Variants in LHFPL3 observed in about 807,000 individuals in gnomAD.
LHFPL3 encodes the protein LHFPL tetraspan subfamily member 3 protein.
Under a neutral mutation model 19.3 loss-of-function variants are expected in LHFPL3, and 5 were observed. That is an observed-to-expected ratio of 0.26 (90% confidence interval 0.14 to 0.54). The LOEUF (loss-of-function observed/expected upper bound fraction) is 0.54. Among genes scored for constraint, LHFPL3 ranks in the 20% least tolerant of loss-of-function variants. LHFPL3 has a pLI of 0.94. For missense variants in LHFPL3, 249 were observed against 307.4 expected, an observed-to-expected ratio of 0.81 and a Z score of 1.42; for synonymous variants, 133 against 126.2, an observed-to-expected ratio of 1.05 and a Z score of -0.36.
At chr7:104,344,884 G>T (rs12705207) in intron 1 of LHFPL3, among the ~76,000 whole-genome samples, 83,161 of 151,924 alleles carry the variant, frequency 0.55, 23,600 homozygotes, top group East Asian at 0.71. Context: ...TGTCACACTG[G>T]CTTTACCTAG....
At chr7:104,550,945 T>C (rs1794651700) in intron 1 of LHFPL3, among the ~76,000 whole-genome samples, 1 of 152,204 alleles carries the variant, frequency 6.6e-6, no homozygotes, top group South Asian at 2.1e-4. Context: ...TTCCAAACAG[T>C]ATGAAAGCCT....
chr7:104,550,648 G>C (rs968201439), intron 1 of LHFPL3, among the ~76,000 whole-genome samples: 3 of 152,140 alleles, frequency 2.0e-5, no homozygotes, highest in African/African-American at 7.2e-5. Flanking sequence ...CAGCAGCAGA[G>C]TATCCCAGTC....
intron 1 of LHFPL3, among the ~76,000 whole-genome samples, chr7:104,527,711 T>C (rs1030564385): frequency 6.6e-6 from 1 of 152,168 alleles, no homozygotes; most frequent in Non-Finnish European, 1.5e-5. Flanking sequence ...AAGCCCAGGC[T>C]ACAGACCCAA....
At chr7:104,615,061 C>T (rs1056374488) in intron 1 of LHFPL3, among the ~76,000 whole-genome samples, 8 of 152,008 alleles carry the variant, frequency 5.3e-5, no homozygotes, top group Non-Finnish European at 1.0e-4. Flanking sequence ...GGCCAAAGAA[C>T]CTGTCTTTTA....
At chr7:104,461,352 A>G (rs1052162312) in intron 1 of LHFPL3, among the ~76,000 whole-genome samples, 10 of 152,220 alleles carry the variant, frequency 6.6e-5, no homozygotes, top group South Asian at 4.1e-4. Context: ...CAGCCAAACC[A>G]TATCATCCAT....
intron 1 of LHFPL3, among the ~76,000 whole-genome samples, chr7:104,512,433 G>C (rs1473579805): frequency 6.6e-6 from 1 of 151,768 alleles, no homozygotes; most frequent in African/African-American, 2.4e-5. Flanking sequence ...CAGGCTCTAT[G>C]TTGCTGTGAT....
At chr7:104,697,833 C>T (rs1793026558) in intron 1 of LHFPL3, among the ~76,000 whole-genome samples, 1 of 152,194 alleles carries the variant, frequency 6.6e-6, no homozygotes, top group African/African-American at 2.4e-5. Context: ...AGAGAGAACA[C>T]TCAGGTAATG....
chr7:104,678,907 A>G (rs774009468), intron 1 of LHFPL3, among the ~76,000 whole-genome samples: 34 of 152,368 alleles, frequency 2.2e-4, no homozygotes, highest in Admixed American at 6.5e-4. Context: ...AAATGAAATT[A>G]AAATCTAAAT....
At chr7:104,482,774 C>A (rs905980889) in intron 1 of LHFPL3, among the ~76,000 whole-genome samples, 1 of 152,190 alleles carries the variant, frequency 6.6e-6, no homozygotes, top group African/African-American at 2.4e-5. Context: ...GTGCCATATG[C>A]CACCTTTTCC....
chr7:104,881,136 C>G (rs1009857509), intron 2 of LHFPL3, among the ~76,000 whole-genome samples: 1 of 143,076 alleles, frequency 7.0e-6, no homozygotes, highest in African/African-American at 2.6e-5. Context: ...CACCACTGCA[C>G]TCCAGCCTGG....
At chr7:104,423,132 G>T (rs934283569) in intron 1 of LHFPL3, among the ~76,000 whole-genome samples, 10 of 152,180 alleles carry the variant, frequency 6.6e-5, no homozygotes, top group Admixed American at 3.3e-4. Context: ...TGTTACAAGA[G>T]GGGAGGACAA....
intron 1 of LHFPL3, chr7:104,668,942 G>A (rs1424684333): frequency 1.3e-5 from 21 of 1,612,414 alleles, no homozygotes; most frequent in Non-Finnish European, 1.5e-5. Context: ...CGACGGCCTC[G>A]GGAGAGACAC....
chr7:104,605,923 C>A (rs1791088861), intron 1 of LHFPL3, among the ~76,000 whole-genome samples: 1 of 151,340 alleles, frequency 6.6e-6, no homozygotes, highest in Non-Finnish European at 1.5e-5. Flanking sequence ...TTTTAACAGG[C>A]ACATATTTTT....
chr7:104,442,165 T>C (rs1374205999), intron 1 of LHFPL3, among the ~76,000 whole-genome samples: 1 of 152,188 alleles, frequency 6.6e-6, no homozygotes. Context: ...CTGAGCATTT[T>C]TTCACATATA....
At chr7:104,836,849 T>C (rs1248067599) in intron 2 of LHFPL3, among the ~76,000 whole-genome samples, 1 of 152,204 alleles carries the variant, frequency 6.6e-6, no homozygotes, top group East Asian at 1.9e-4. Flanking sequence ...CTAGGAGCCA[T>C]GGCTTGTAGG....
At chr7:104,609,984 T>C (rs1791181175) in intron 1 of LHFPL3, among the ~76,000 whole-genome samples, 1 of 152,218 alleles carries the variant, frequency 6.6e-6, no homozygotes, top group Non-Finnish European at 1.5e-5. Flanking sequence ...ACCTTTTCTC[T>C]ACCACTAAGA....
chr7:104,825,578 T>C (rs991793048), intron 2 of LHFPL3, among the ~76,000 whole-genome samples: 8 of 151,742 alleles, frequency 5.3e-5, no homozygotes, highest in African/African-American at 1.7e-4. Context: ...CAGCTGCACA[T>C]AACAAAAAAA....
At chr7:104,831,403 C>A (rs531744099) in intron 2 of LHFPL3, among the ~76,000 whole-genome samples, 1 of 151,794 alleles carries the variant, frequency 6.6e-6, no homozygotes, top group African/African-American at 2.4e-5. Context: ...TTCTTTTGAA[C>A]GAAAAGTTAA....
At chr7:104,875,258 T>G (rs1328901955) in intron 2 of LHFPL3, among the ~76,000 whole-genome samples, 1 of 152,092 alleles carries the variant, frequency 6.6e-6, no homozygotes, top group African/African-American at 2.4e-5. Flanking sequence ...TGCATAATAC[T>G]GAGGTCCAAA....
Sources: allele counts gnomAD v4.1 joint callset (sites outside exome capture counted in the v4.1 genomes callset), GRCh38; gene constraint gnomAD v4.1.1; transcripts MANE v1.5; gene names NCBI Gene and HGNC (gene_info 2026-07-23, HGNC 2026-07-21).